Variants in ANO3 observed in about 807,000 individuals in gnomAD.
ANO3 encodes the protein anoctamin-3.
A neutral mutation model predicts 144.8 loss-of-function variants in ANO3; 99 were observed. That is an observed-to-expected ratio of 0.68 (90% CI 0.58 to 0.81). ANO3 has a LOEUF of 0.81. Ranked by LOEUF, ANO3 falls within the 30% of genes least tolerant of loss-of-function variation. The probability of loss-of-function intolerance (pLI) is 0.00; values close to 1 mark genes in which losing one functional copy is unlikely to be tolerated. For synonymous variants in ANO3, 414 were observed against 392.6 expected, an observed-to-expected ratio of 1.05 and a Z score of -0.64; for missense variants, 905 against 1,202.2, an observed-to-expected ratio of 0.75 and a Z score of 3.66.
At chr11:26,617,588 T>C (rs140538669) in intron 17 of ANO3, among the ~76,000 whole-genome samples, 15 of 152,326 alleles carry the variant, frequency 9.8e-5, no homozygotes, top group Admixed American at 5.9e-4. Context: ...CTACCTCCTG[T>C]TTTTCTAAAT....
chr11:26,478,109 T>A (rs1022357299), intron 4 of ANO3, among the ~76,000 whole-genome samples: 2 of 152,126 alleles, frequency 1.3e-5, no homozygotes, highest in Non-Finnish European at 2.9e-5. Flanking sequence ...TAGGGGAATA[T>A]AAAATTGTAT....
chr11:26,229,327 G>A (rs1471318), intron 1 of ANO3, among the ~76,000 whole-genome samples: 52,587 of 152,080 alleles, frequency 0.35, 10,174 homozygotes, highest in Non-Finnish European at 0.43. Context: ...GAGTCATAAG[G>A]TTGGTATGAT....
chr11:26,338,244 A>G (rs1855245046), intron 1 of ANO3, among the ~76,000 whole-genome samples: 1 of 152,192 alleles, frequency 6.6e-6, no homozygotes, highest in African/African-American at 2.4e-5. Flanking sequence ...CTGTCTAGCT[A>G]GAGGATTGTA....
intron 14 of ANO3, among the ~76,000 whole-genome samples, chr11:26,586,496 T>G (rs1851282888): frequency 3.0e-5 from 4 of 135,314 alleles, no homozygotes; most frequent in African/African-American, 8.0e-5. Context: ...GCTTCCCTGG[T>G]GAGAATCTTT....
intron 24 of ANO3, among the ~76,000 whole-genome samples, chr11:26,655,121 T>C (rs894852732): frequency 6.6e-6 from 1 of 152,296 alleles, no homozygotes; most frequent in Non-Finnish European, 1.5e-5. Flanking sequence ...TCATTCTGCC[T>C]TTTGAAAATC....
chr11:26,649,825 A>G (rs1853470300), intron 24 of ANO3, among the ~76,000 whole-genome samples: 1 of 152,204 alleles, frequency 6.6e-6, no homozygotes, highest in African/African-American at 2.4e-5. Context: ...ATTTAAGTGT[A>G]AGAGGGATTT....
intron 4 of ANO3, among the ~76,000 whole-genome samples, chr11:26,473,493 C>G (rs1225135866): frequency 1.3e-5 from 2 of 151,792 alleles, no homozygotes; most frequent in Non-Finnish European, 2.9e-5. Flanking sequence ...TCCATTATAC[C>G]TTTCTCCAGT....
chr11:26,375,428 T>C (rs1369378746), intron 1 of ANO3, among the ~76,000 whole-genome samples: 2 of 152,196 alleles, frequency 1.3e-5, no homozygotes, highest in South Asian at 2.1e-4. Context: ...TATATAGTTA[T>C]ACAAATGTCC....
At chr11:26,262,144 G>C (rs1009309687) in intron 1 of ANO3, among the ~76,000 whole-genome samples, 1 of 152,150 alleles carries the variant, frequency 6.6e-6, no homozygotes, top group African/African-American at 2.4e-5. Context: ...TTATGACATT[G>C]CCCAGCTTAC....
In ANO3 at chr11:26,563,395, C is replaced by CTGTGTGTG. The variant is rs71047867; in HGVS notation, c.1447+3646_1447+3653dup. ...ATTAGATAATGGTGTGTTTCTCTCT[C>CTGTGTGTG]TGTGTGTGTGTGTGTGTGTGTGTGT... On this transcript the variant is annotated intron_variant, in intron 14 of 26. Coordinates refer to ENST00000256737, the MANE Select transcript of ANO3 (RefSeq NM_031418.4). The CTGTGTGTG allele has an allele frequency of 5.2e-3, 2,830 of 539,926 alleles. 55 individuals carry two copies. Among genetic ancestry groups the CTGTGTGTG allele is most frequent in the African/African-American group, 0.039 (1,914 of 49,546 alleles). 33.4% of individuals were successfully genotyped at this position (539,926 alleles called of 1,614,324 possible).
At chr11:26,565,893 G>C (rs1440033037) in intron 14 of ANO3, 5 of 1,570,050 alleles carry the variant, frequency 3.2e-6, no homozygotes, top group Admixed American at 4.2e-5. Context: ...TTTTTTAAAG[G>C]AATCTGAAAG....
intron 1 of ANO3, among the ~76,000 whole-genome samples, chr11:26,338,619 C>T (rs2350210): frequency 0.061 from 9,251 of 152,206 alleles, 779 homozygotes; most frequent in African/African-American, 0.19. Flanking sequence ...TCTTTGGGTC[C>T]GCACTACCTT....
At chr11:26,494,718 G>T (rs964501470) in intron 4 of ANO3, among the ~76,000 whole-genome samples, 2 of 152,158 alleles carry the variant, frequency 1.3e-5, no homozygotes, top group Non-Finnish European at 1.5e-5. Context: ...AAAAACAGGG[G>T]CTCCTAGAAC....
intron 1 of ANO3, among the ~76,000 whole-genome samples, chr11:26,282,930 ACTGC>A (rs1239549432): frequency 6.6e-6 from 1 of 152,152 alleles, no homozygotes. Context: ...GTCTTTAGTA[ACTGC>A]CTATCACAAT....
chr11:26,472,174 A>T (rs1216208640), intron 4 of ANO3, among the ~76,000 whole-genome samples: 3 of 152,032 alleles, frequency 2.0e-5, no homozygotes, highest in African/African-American at 7.2e-5. Context: ...ACATGAAAGC[A>T]GCCAGAGAAG....
At chr11:26,407,070 G>GTATATATATA (rs202060948) in intron 1 of ANO3, among the ~76,000 whole-genome samples, 4,407 of 100,882 alleles carry the variant, frequency 0.044, 130 homozygotes, top group Admixed American at 0.1. Flanking sequence ...GTGTGTGTGT[G>GTATATATATA]TGTGTGTATA....
chr11:26,524,374 A>G (rs995184432), intron 6 of ANO3, among the ~76,000 whole-genome samples: 1 of 152,224 alleles, frequency 6.6e-6, no homozygotes, highest in Admixed American at 6.5e-5. Context: ...ATATGACTGC[A>G]GTGAAATATG....
chr11:26,602,146 T>G (rs917580653), intron 17 of ANO3, among the ~76,000 whole-genome samples: 17 of 152,198 alleles, frequency 1.1e-4, no homozygotes, highest in Non-Finnish European at 2.4e-4. Context: ...AGATTGTTGT[T>G]TGAAGAAATT....
intron 10 of ANO3, among the ~76,000 whole-genome samples, chr11:26,538,854 C>T (rs565290046): frequency 1.1e-4 from 16 of 152,024 alleles, no homozygotes; most frequent in Non-Finnish European, 2.1e-4. Context: ...CAGGAATTTT[C>T]TGTTGATTTT....
Sources: gnomAD v4.1 joint callset for allele counts (sites outside exome capture counted in the v4.1 genomes callset) on GRCh38, gnomAD v4.1.1 for gene constraint, MANE v1.5 for transcripts, NCBI Gene and HGNC (gene_info 2026-07-23, HGNC 2026-07-21) for gene names.